NRXN3: variants seen among roughly 807,000 people sequenced by gnomAD.
The protein encoded by NRXN3 is neurexin III.
A neutral mutation model predicts 137.6 loss-of-function variants in NRXN3; 32 were observed. That is an observed-to-expected ratio of 0.23 (90% CI 0.18 to 0.31). NRXN3 has a LOEUF of 0.31. Among genes scored for constraint, NRXN3 ranks in the 10% least tolerant of loss-of-function variants. The probability of loss-of-function intolerance (pLI) is 1.00; values close to 1 mark genes in which losing one functional copy is unlikely to be tolerated. For synonymous variants in NRXN3, 798 were observed against 784.5 expected, an observed-to-expected ratio of 1.02 and a Z score of -0.29; for missense variants, 1,574 against 2,062.5, an observed-to-expected ratio of 0.76 and a Z score of 4.59.
chr14:79,334,750 CATT>C (rs1173056294), intron 15 of NRXN3, among the ~76,000 whole-genome samples: 4 of 152,116 alleles, frequency 2.6e-5, no homozygotes, highest in Non-Finnish European at 4.4e-5. Context: ...AAGCGTGCTA[CATT>C]ATTATGATGT....
intron 15 of NRXN3, among the ~76,000 whole-genome samples, chr14:79,083,563 C>A (rs917139573): frequency 1.3e-5 from 2 of 152,186 alleles, no homozygotes; most frequent in Non-Finnish European, 2.9e-5. Flanking sequence ...GGCATGTGTG[C>A]AAGTGGGGGA....
chr14:79,454,611 C>T (rs1236237501), intron 15 of NRXN3, among the ~76,000 whole-genome samples: 4 of 152,198 alleles, frequency 2.6e-5, no homozygotes, highest in East Asian at 3.9e-4. Context: ...AATTCTAAAA[C>T]GATGTTGAAT....
Position 78,967,416 on chromosome 14 carries a change from AT to A in NRXN3, c.2968+21del. The A allele has an allele frequency of 2.5e-6, 4 of 1,596,966 alleles. No individual in the cohort carries two copies. The highest frequency in any genetic ancestry group is 3.4e-6 in the Non-Finnish European group (4 of 1,166,868). On this transcript the variant is annotated intron_variant, in intron 13 of 20. Transcript: ENST00000335750. ...TTTGAAAGGTAAACCTTGTAAAGAA[AT>A]TTAGTTTTTAATAGAGCTTTTCTTA...
intron 4 of NRXN3, among the ~76,000 whole-genome samples, chr14:78,337,664 A>G (rs1597473990): frequency 1.3e-5 from 2 of 152,142 alleles, no homozygotes; most frequent in Admixed American, 1.3e-4. Context: ...AGCACTGGAT[A>G]TTTTCTCTAA....
intron 15 of NRXN3, among the ~76,000 whole-genome samples, chr14:79,071,507 A>G (rs1164132331): frequency 1.3e-5 from 2 of 152,196 alleles, no homozygotes; most frequent in East Asian, 3.8e-4. Flanking sequence ...GTATCTTCAT[A>G]AGCAATTGAC....
intron 16 of NRXN3, among the ~76,000 whole-genome samples, chr14:79,511,040 T>A (rs762595325): frequency 6.6e-6 from 1 of 152,090 alleles, no homozygotes; most frequent in Admixed American, 6.6e-5. Context: ...GTTCTAGGTT[T>A]TGGAAGAATT....
intron 15 of NRXN3, among the ~76,000 whole-genome samples, chr14:79,334,130 C>T (rs1397832307): frequency 1.3e-5 from 2 of 152,132 alleles, no homozygotes; most frequent in Non-Finnish European, 2.9e-5. Context: ...GGGGATGGGG[C>T]TAAAAACAAT....
intron 4 of NRXN3, among the ~76,000 whole-genome samples, chr14:78,437,532 A>G (rs2094113510): frequency 6.6e-6 from 1 of 152,116 alleles, no homozygotes; most frequent in South Asian, 2.1e-4. Flanking sequence ...TAGTTTTAGT[A>G]GAGACAGGGT....
intron 4 of NRXN3, among the ~76,000 whole-genome samples, chr14:78,639,404 C>G (rs1205297035): frequency 6.6e-6 from 1 of 152,176 alleles, no homozygotes; most frequent in African/African-American, 2.4e-5. Flanking sequence ...CTTCACAGGA[C>G]CACTGGCTAC....
intron 4 of NRXN3, among the ~76,000 whole-genome samples, chr14:78,614,388 C>T (rs2097328218): frequency 6.6e-6 from 1 of 151,976 alleles, no homozygotes; most frequent in South Asian, 2.1e-4. Context: ...GTGAAAAAGC[C>T]TACTTTTACA....
At chr14:78,261,465 C>T (rs2070712714) in intron 2 of NRXN3, among the ~76,000 whole-genome samples, 2 of 152,148 alleles carry the variant, frequency 1.3e-5, no homozygotes, top group Non-Finnish European at 2.9e-5. Flanking sequence ...TTCTCTCCAT[C>T]TTTTAAAATC....
At chr14:78,239,948 C>A (rs1232320085) in intron 1 of NRXN3, among the ~76,000 whole-genome samples, 2 of 152,218 alleles carry the variant, frequency 1.3e-5, no homozygotes, top group Non-Finnish European at 2.9e-5. Context: ...AGGTGATCCA[C>A]CCACCTCGGC....
At chr14:78,845,804 A>G (rs2099024983) in intron 10 of NRXN3, among the ~76,000 whole-genome samples, 1 of 152,022 alleles carries the variant, frequency 6.6e-6, no homozygotes, top group African/African-American at 2.4e-5. Flanking sequence ...TATAGAAAAA[A>G]TATTATTTTC....
intron 19 of NRXN3, among the ~76,000 whole-genome samples, chr14:79,713,280 T>G (rs2098811642): frequency 6.6e-6 from 1 of 150,490 alleles, no homozygotes; most frequent in Non-Finnish European, 1.5e-5. Flanking sequence ...CCCCCTATAG[T>G]TCTTGCTTTT....
chr14:78,520,362 T>C (rs2096268488), intron 4 of NRXN3, among the ~76,000 whole-genome samples: 1 of 152,200 alleles, frequency 6.6e-6, no homozygotes, highest in South Asian at 2.1e-4. Context: ...ATTTAATTAA[T>C]CTGGATGCAA....
chr14:79,308,994 A>G (rs1390324334), intron 15 of NRXN3, among the ~76,000 whole-genome samples: 1 of 128,366 alleles, frequency 7.8e-6, no homozygotes, highest in Non-Finnish European at 1.6e-5. Context: ...GGTTAGTTAC[A>G]TATGTATACA....
At chr14:79,129,374 T>G (rs911705002) in intron 15 of NRXN3, among the ~76,000 whole-genome samples, 11 of 150,768 alleles carry the variant, frequency 7.3e-5, no homozygotes, top group African/African-American at 2.2e-4. Flanking sequence ...TCTGGTATGT[T>G]GTGTCTTTGT....
chr14:79,595,906 C>T (rs1477204600), intron 16 of NRXN3, among the ~76,000 whole-genome samples: 1 of 152,124 alleles, frequency 6.6e-6, no homozygotes, highest in Admixed American at 6.6e-5. Context: ...AATTATTTCT[C>T]TATGGCTTCA....
chr14:78,471,332 A>C lies in NRXN3; in HGVS notation c.757+173472A>C, dbSNP rs530644129. 6.4e-3 allele frequency among the ~76,000 whole-genome samples: 142 copies of C among 22,102 alleles called. No homozygotes were observed. The East Asian group carries it at 0.069, about 11-fold the overall frequency. 14.5% of individuals were successfully genotyped at this position (22,102 alleles called of 152,430 possible). ...CACACACACACACACACACACACAC[A>C]CCCCCAAGAAATTCACCTCTGGCTC... is the stretch of plus-strand genomic sequence containing the variant. On this transcript the variant is annotated intron_variant, in intron 4 of 20. Coordinates refer to ENST00000335750, the MANE Select transcript of NRXN3 (RefSeq NM_001330195.2).
Sources: allele counts gnomAD v4.1 joint callset (sites outside exome capture counted in the v4.1 genomes callset), GRCh38; gene constraint gnomAD v4.1.1; transcripts MANE v1.5; gene names NCBI Gene and HGNC (gene_info 2026-07-23, HGNC 2026-07-21).